LRP1B: variants seen among roughly 807,000 people sequenced by gnomAD.
LRP1B encodes low-density lipoprotein receptor-related protein 1B.
In LRP1B, 217 loss-of-function variants were observed where a neutral mutation model predicts 556.6. The observed-to-expected ratio is 0.39, with a 90% confidence interval of 0.35 to 0.44. LRP1B has a LOEUF of 0.44. Among genes scored for constraint, LRP1B ranks in the 20% least tolerant of loss-of-function variants. The probability of loss-of-function intolerance (pLI) is 1.00; values close to 1 mark genes in which losing one functional copy is unlikely to be tolerated. For synonymous variants in LRP1B, 2,047 were observed against 1,865.8 expected (o/e 1.10, Z -2.50); for missense variants, 5,053 against 5,620.8 (o/e 0.90, Z 3.23).
At chr2:140,728,479 G>T (rs1687668706) in intron 35 of LRP1B, among the ~76,000 whole-genome samples, 1 of 152,072 alleles carries the variant, frequency 6.6e-6, no homozygotes, top group Non-Finnish European at 1.5e-5. Context: ...ACAGCATGTT[G>T]CATAAACATA....
chr2:141,565,360 T>G (rs1686294410), intron 2 of LRP1B, among the ~76,000 whole-genome samples: 1 of 152,194 alleles, frequency 6.6e-6, no homozygotes, highest in Non-Finnish European at 1.5e-5. Context: ...CATTACATTT[T>G]TATTTTCTGT....
intron 47 of LRP1B, among the ~76,000 whole-genome samples, chr2:140,531,765 G>A (rs1020072844): frequency 3.3e-5 from 5 of 152,050 alleles, no homozygotes; most frequent in Non-Finnish European, 5.9e-5. Context: ...ACACATGAAT[G>A]TCATCAAGCG....
chr2:140,824,227 G>A (rs1049180151), intron 31 of LRP1B, among the ~76,000 whole-genome samples: 5 of 152,010 alleles, frequency 3.3e-5, no homozygotes, highest in African/African-American at 1.2e-4. Context: ...GAAAATGGTT[G>A]AGGCACGCAC....
intron 7 of LRP1B, among the ~76,000 whole-genome samples, chr2:141,076,940 T>C (rs1699802195): frequency 6.6e-6 from 1 of 152,150 alleles, no homozygotes; most frequent in Non-Finnish European, 1.5e-5. Flanking sequence ...AGTCTCATAA[T>C]CAAAGAATTT....
chr2:141,308,891 T>C (rs1411282937), intron 3 of LRP1B, among the ~76,000 whole-genome samples: 2 of 152,170 alleles, frequency 1.3e-5, no homozygotes, highest in Admixed American at 6.5e-5. Flanking sequence ...TATTACATAG[T>C]ATTTGCAAGA....
At chr2:142,086,638 AAC>A (rs1488000686) in intron 1 of LRP1B, among the ~76,000 whole-genome samples, 13 of 44,432 alleles carry the variant, frequency 2.9e-4, no homozygotes, top group Admixed American at 7.2e-4. Context: ...CAAACAAACA[AAC>A]AAAAAAAAAA....
At chr2:141,379,284 G>A (rs925976172) in intron 3 of LRP1B, among the ~76,000 whole-genome samples, 28 of 152,108 alleles carry the variant, frequency 1.8e-4, no homozygotes, top group African/African-American at 6.8e-4. Flanking sequence ...CACAAGAATT[G>A]AGAAATTAAA....
chr2:141,242,190 A>C (rs1282346795), intron 5 of LRP1B, among the ~76,000 whole-genome samples: 1 of 152,112 alleles, frequency 6.6e-6, no homozygotes, highest in African/African-American at 2.4e-5. Context: ...AGGTGATACT[A>C]TGTGGCAGAG....
intron 41 of LRP1B, among the ~76,000 whole-genome samples, chr2:140,637,130 A>G (rs926210883): frequency 6.6e-6 from 1 of 152,228 alleles, no homozygotes; most frequent in Admixed American, 6.5e-5. Flanking sequence ...CAAAGTGAAT[A>G]TGGAGTGAGC....
intron 1 of LRP1B, among the ~76,000 whole-genome samples, chr2:141,928,529 C>A (rs1400815210): frequency 1.3e-5 from 2 of 152,062 alleles, no homozygotes; most frequent in Admixed American, 6.6e-5. Context: ...AAGGTACATT[C>A]AAAATTTACA....
chr2:140,759,628 T>C (rs1688850054), intron 35 of LRP1B, among the ~76,000 whole-genome samples: 1 of 152,202 alleles, frequency 6.6e-6, no homozygotes, highest in Non-Finnish European at 1.5e-5. Context: ...ATTGCAAGCA[T>C]AAAGAACTGG....
intron 3 of LRP1B, among the ~76,000 whole-genome samples, chr2:141,311,414 G>T (rs1686809906): frequency 6.6e-6 from 1 of 151,974 alleles, no homozygotes. Context: ...TGGGTTCTTT[G>T]GTGGTTTTAC....
intron 3 of LRP1B, among the ~76,000 whole-genome samples, chr2:141,416,446 ATTTTTTTT>A (rs34512949): frequency 2.9e-5 from 3 of 103,430 alleles, no homozygotes; most frequent in African/African-American, 1.1e-4. Context: ...TTTGACAGCC[ATTTTTTTT>A]TTTTTTTTTT....
chr2:140,520,053 C>A (rs964564711), intron 49 of LRP1B, among the ~76,000 whole-genome samples: 5 of 152,118 alleles, frequency 3.3e-5, no homozygotes, highest in Admixed American at 1.3e-4. Context: ...TGTGACGATT[C>A]CTCAAGGATC....
At chr2:140,841,583 T>C (rs573552609) in intron 29 of LRP1B, among the ~76,000 whole-genome samples, 25 of 152,300 alleles carry the variant, frequency 1.6e-4, no homozygotes, top group African/African-American at 5.3e-4. Flanking sequence ...TATTTCAAAA[T>C]AGATAATTAA....
intron 1 of LRP1B, among the ~76,000 whole-genome samples, chr2:141,981,797 A>C (rs962536894): frequency 7.2e-5 from 11 of 152,256 alleles, no homozygotes; most frequent in African/African-American, 2.6e-4. Context: ...AGAGGATATA[A>C]GCAAAAGAGA....
intron 33 of LRP1B, among the ~76,000 whole-genome samples, chr2:140,775,429 A>G (rs1689458670): frequency 6.6e-6 from 1 of 150,674 alleles, no homozygotes; most frequent in African/African-American, 2.4e-5. Context: ...CATGGAAGAG[A>G]CTAATGTATG....
At chr2:141,079,807 G>A (rs897414031) in intron 7 of LRP1B, among the ~76,000 whole-genome samples, 1 of 152,124 alleles carries the variant, frequency 6.6e-6, no homozygotes, top group Non-Finnish European at 1.5e-5. Context: ...ATACTATTAG[G>A]TTGGTGCAAA....
Position 141,427,102 on chromosome 2 carries a change from C to G in LRP1B, c.343+53294G>C, listed in dbSNP as rs144277107. Among the ~76,000 whole-genome samples the G allele has an allele frequency of 3.3e-3, 505 of 152,230 alleles. 2 individuals are homozygous for G. The highest frequency in any genetic ancestry group is 0.012 in the African/African-American group (491 of 41,550). ...ATGAGTTCTCATTGTTCAACTCCCA[C>G]TTATGAGTGCGAACAATTAGTGCAT... On this transcript the variant is annotated intron_variant, in intron 3 of 90. Coordinates refer to ENST00000389484, the MANE Select transcript of LRP1B (RefSeq NM_018557.3).
Sources: allele counts gnomAD v4.1 joint callset (sites outside exome capture counted in the v4.1 genomes callset), GRCh38; gene constraint gnomAD v4.1.1; transcripts MANE v1.5; gene names NCBI Gene and HGNC (gene_info 2026-07-23, HGNC 2026-07-21).